Variants in RAB11FIP5 observed in about 807,000 individuals in gnomAD.
The protein encoded by RAB11FIP5 is RAB11 family interacting protein 5, also known as rab11 family-interacting protein 5.
A neutral mutation model predicts 85.1 loss-of-function variants in RAB11FIP5; 48 were observed. The observed-to-expected ratio is 0.56, with a 90% confidence interval of 0.45 to 0.72. RAB11FIP5 has a LOEUF of 0.72. RAB11FIP5 is among the 30% of genes least tolerant of loss of function. The pLI is 0.00. For synonymous variants in RAB11FIP5, 729 were observed against 727.3 expected, an observed-to-expected ratio of 1.00 and a Z score of -0.04; for missense variants, 1,491 against 1,687.0, an observed-to-expected ratio of 0.88 and a Z score of 2.04.
At chr2:73,090,709 T>C (rs1336985817) in intron 1 of RAB11FIP5, among the ~76,000 whole-genome samples, 1 of 152,132 alleles carries the variant, frequency 6.6e-6, no homozygotes, top group Non-Finnish European at 1.5e-5. Context: ...ATGGAGACAG[T>C]GAAAAGATCA....
Position 73,081,781 on chromosome 2 carries a change from G to T in RAB11FIP5, c.1569-118C>A. 1 of 985,226 alleles carries T rather than the reference G, an allele frequency of 1.0e-6. No individual in the cohort carries two copies. Among genetic ancestry groups the T allele is most frequent in the Non-Finnish European group, 1.3e-6 (1 of 763,668 alleles). The allele number at this position is 985,226 out of a possible 1,614,324, so 61.0% of individuals were successfully genotyped here. ...GGGGCCATAACACACACATAGGCTGGATTTACCTACTTGGGCCAGGGTACA... is the reference window on the plus strand; with the variant it reads ...GGGGCCATAACACACACATAGGCTGTATTTACCTACTTGGGCCAGGGTACA... On this transcript the variant is annotated intron_variant, in intron 3 of 5. Transcript: ENST00000486777. This position sits in a 1 kb window ranked among gnomAD's most constrained non-coding sequence, Gnocchi z 4.2.
Position 73,075,176 on chromosome 2 carries a change from C to A in RAB11FIP5, c.*345G>T, listed in dbSNP as rs1385732497. 3.5e-6 allele frequency: 2 copies of A among 578,888 alleles called. No homozygotes were observed. Among genetic ancestry groups the A allele is most frequent in the Non-Finnish European group, 6.5e-6 (2 of 306,450 alleles). 35.9% of individuals were successfully genotyped at this position (578,888 alleles called of 1,614,324 possible). ...GGGATAATAAAGTATGTGCTAGCAACCAGTCTTGTCCCAGATTACTGCATC... is the reference window on the plus strand; with the variant it reads ...GGGATAATAAAGTATGTGCTAGCAAACAGTCTTGTCCCAGATTACTGCATC... On this transcript the variant is annotated 3_prime_UTR_variant, in exon 6 of 6. Transcript: ENST00000486777. This position sits in a 1 kb window ranked among gnomAD's most constrained non-coding sequence, Gnocchi z 4.6.
At position 73,080,705 on chromosome 2, in the gene RAB11FIP5, C is replaced by T; in HGVS notation, c.2527G>A (p.Ala843Thr). The T allele has an allele frequency of 8.1e-7, 1 of 1,232,580 alleles. No individual in the cohort carries two copies. The highest frequency in any genetic ancestry group is 1.0e-6 in the Non-Finnish European group (1 of 988,110). 76.4% of individuals were successfully genotyped at this position (1,232,580 alleles called of 1,614,324 possible). ...WPWDVVTISPAAETASLVFRG... is the reference protein window; with the variant it reads ...WPWDVVTISPTAETASLVFRG... ...AAGACTAGTGAGGCTGTCTCAGCTG[C>T]AGGAGAAATGGTGACCACATCCCAA... The change falls in exon 4 of 6, where the codon GCA (alanine) becomes ACA (threonine). Residue 843 changes from alanine (A) to threonine (T), a missense_variant. Ala to Thr is a moderately conservative substitution (Grantham distance 58, BLOSUM62 0). Around this residue, in one of 3 missense-constraint regions of RAB11FIP5, gnomAD observed 1,211 missense variants for 1,338.0 expected, o/e 0.91. Coordinates refer to ENST00000486777, the MANE Select transcript of RAB11FIP5 (RefSeq NM_001371272.1).
At chr2:73,090,423 A>G (rs1684186491) in intron 1 of RAB11FIP5, among the ~76,000 whole-genome samples, 1 of 152,222 alleles carries the variant, frequency 6.6e-6, no homozygotes. Flanking sequence ...GTAAAGACTT[A>G]TGTCCAAAGA....
chr2:73,109,229 T>C (rs1684595706), intron 1 of RAB11FIP5, among the ~76,000 whole-genome samples: 1 of 152,180 alleles, frequency 6.6e-6, no homozygotes, highest in African/African-American at 2.4e-5. Context: ...CTTCAATTAT[T>C]TGGAAGCCTC....
chr2:73,078,476 G>A lies in RAB11FIP5; in HGVS notation c.3581+1175C>T, dbSNP rs1399402927. Among the ~76,000 whole-genome samples, 1 of 152,180 alleles carries A rather than the reference G, an allele frequency of 6.6e-6. No individual in the cohort carries two copies. Among genetic ancestry groups the A allele is most frequent in the Non-Finnish European group, 1.5e-5 (1 of 68,028 alleles). On this transcript the variant is annotated intron_variant, in intron 4 of 5. Coordinates refer to ENST00000486777, the MANE Select transcript of RAB11FIP5 (RefSeq NM_001371272.1). The surrounding 1 kb of genome is among the most constrained non-coding windows in gnomAD (Gnocchi z 4.4). ...CCCCACATCCTCTCCCTCACCTCAA[G>A]GGAGGAGAGTCACCACCACCACCAG...
intron 1 of RAB11FIP5, among the ~76,000 whole-genome samples, chr2:73,100,425 GT>G (rs573555727): frequency 0.024 from 3,101 of 131,030 alleles, 32 homozygotes; most frequent in Non-Finnish European, 0.037. Flanking sequence ...TTTGGTTGTG[GT>G]TTTTTTTTTT....
intron 3 of RAB11FIP5, among the ~76,000 whole-genome samples, chr2:73,082,029 G>T (rs979442283): frequency 6.8e-6 from 1 of 146,846 alleles, no homozygotes; most frequent in African/African-American, 2.5e-5. Context: ...ATCTGAAAGC[G>T]CCTTACATCC....
At chr2:73,105,345 T>A (rs1415543953) in intron 1 of RAB11FIP5, among the ~76,000 whole-genome samples, 1 of 152,152 alleles carries the variant, frequency 6.6e-6, no homozygotes, top group Non-Finnish European at 1.5e-5. Context: ...CGGGCTCAAG[T>A]GATCCTCCCA....
chr2:73,100,403 A>T (rs1200705321), intron 1 of RAB11FIP5, among the ~76,000 whole-genome samples: 1 of 151,492 alleles, frequency 6.6e-6, no homozygotes, highest in South Asian at 2.1e-4. Flanking sequence ...AAACTGAAAA[A>T]TAACGGGTTT....
chr2:73,099,923 C>T (rs754446828), intron 1 of RAB11FIP5, among the ~76,000 whole-genome samples: 2 of 152,202 alleles, frequency 1.3e-5, no homozygotes, highest in Non-Finnish European at 2.9e-5. Context: ...GGACAAGGAG[C>T]CTGCAAAGCT....
In RAB11FIP5 at chr2:73,109,994, G is replaced by A. The variant is rs182436808; in HGVS notation, c.431+2353C>T. 7.2e-5 allele frequency among the ~76,000 whole-genome samples: 11 copies of A among 152,264 alleles called. No homozygotes were observed. In the East Asian group the frequency reaches 1.9e-3, roughly 27 times the overall value. On this transcript the variant is annotated intron_variant, in intron 1 of 5. Transcript: ENST00000486777. ...TATAAATTATCTCCATTTTACAGAC[G>A]TGAAAACTGAGGCACCAAGAGTTTA...
intron 1 of RAB11FIP5, among the ~76,000 whole-genome samples, chr2:73,099,135 T>C (rs1308592288): frequency 6.6e-6 from 1 of 150,630 alleles, no homozygotes; most frequent in African/African-American, 2.4e-5. Flanking sequence ...CTGAAACCTC[T>C]GCCTCCTGAG....
In RAB11FIP5 at chr2:73,112,918, G is replaced by A; in HGVS notation, c.-141C>T. 1.4e-6 allele frequency: 1 copy of A among 715,924 alleles called. No homozygotes were observed. The highest frequency in any genetic ancestry group is 1.9e-6 in the Non-Finnish European group (1 of 531,272). The allele number at this position is 715,924 out of a possible 1,614,324, so 44.3% of individuals were successfully genotyped here. A position where few individuals can be genotyped will look rare whatever the true frequency, so the allele number is the denominator to read the frequency against. The stretch of plus-strand genomic sequence containing the variant: ...CGGGCTGGGCTGGGCCGGGCCGACC[G>A]GCCGCCGCCTCCCCGCCTCACCGGG... On this transcript the variant is annotated 5_prime_UTR_variant, in exon 1 of 6. Transcript: ENST00000486777.
Position 73,080,127 on chromosome 2 carries a change from G to A in RAB11FIP5, c.3105C>T (p.Gly1035=). Residue 1035 remains glycine (G), a synonymous_variant, in exon 4 of 6, where the codon GGC becomes GGT. Transcript: ENST00000486777. The part of the protein sequence containing the change: ...GEGPEAPEAQ[G]QDPVGEGLGS... The stretch of plus-strand genomic sequence containing the variant: ...CAAGCCCCTCTCCTACTGGATCCTG[G>A]CCCTGGGCCTCAGGAGCCTCAGGGC... 1 of 1,232,210 alleles carries A rather than the reference G, an allele frequency of 8.1e-7. No individual in the cohort carries two copies. The highest frequency in any genetic ancestry group is 1.0e-6 in the Non-Finnish European group (1 of 988,036). The allele number at this position is 1,232,210 out of a possible 1,614,324, so 76.3% of individuals were successfully genotyped here. A position where few individuals can be genotyped will look rare whatever the true frequency, so the allele number is the denominator to read the frequency against.
chr2:73,083,044 T>C (rs1232258446), intron 3 of RAB11FIP5, among the ~76,000 whole-genome samples: 2 of 152,136 alleles, frequency 1.3e-5, no homozygotes, highest in African/African-American at 4.8e-5. Flanking sequence ...CAGGTGGAAA[T>C]ATCCTGGGGA....
chr2:73,100,453 T>C (rs1462401528), intron 1 of RAB11FIP5, among the ~76,000 whole-genome samples: 1 of 133,490 alleles, frequency 7.5e-6, no homozygotes, highest in Non-Finnish European at 1.5e-5. Context: ...TGAGATGGAG[T>C]CTCGCTCTGT....
At chr2:73,112,251 C>A in intron 1 of RAB11FIP5, 96 bp downstream of exon 1, 3 of 1,316,818 alleles carry the variant, frequency 2.3e-6, no homozygotes, top group Non-Finnish European at 3.0e-6. Flanking sequence ...GAGGCAAGGG[C>A]TCACTGGCCC....
At chr2:73,109,419 C>A (rs1309102070) in intron 1 of RAB11FIP5, among the ~76,000 whole-genome samples, 1 of 152,178 alleles carries the variant, frequency 6.6e-6, no homozygotes, top group East Asian at 1.9e-4. Flanking sequence ...CAGATGGTGT[C>A]TTATCTAATC....
Sources: gnomAD v4.1 joint callset for allele counts (sites outside exome capture counted in the v4.1 genomes callset) on GRCh38, gnomAD v4.1.1 for gene constraint, gnomAD v4.1.1 regional missense constraint, Gnocchi (gnomAD v3.1) non-coding constraint, MANE v1.5 for transcripts, NCBI Gene and HGNC (gene_info 2026-07-23, HGNC 2026-07-21) for gene names.